LARP1B: variants seen among roughly 807,000 people sequenced by gnomAD.
LARP1B encodes the protein la-related protein 1B.
LARP1B carries 76 observed loss-of-function variants against 114.2 expected under a neutral mutation model. That is an observed-to-expected ratio of 0.67 (90% CI 0.55 to 0.81). The LOEUF is 0.81. Ranked by LOEUF, LARP1B falls within the 30% of genes least tolerant of loss-of-function variation. The pLI, the probability that LARP1B is intolerant of heterozygous loss-of-function variation, is 0.00. For synonymous variants in LARP1B, 345 were observed against 348.0 expected (o/e 0.99, Z 0.10); for missense variants, 1,014 against 1,075.8 (o/e 0.94, Z 0.80).
At chr4:128,069,204 A>T (rs1418021129) in intron 1 of LARP1B, 1 of 1,106,436 alleles carries the variant, frequency 9.0e-7, no homozygotes, top group Admixed American at 1.7e-5. Flanking sequence ...ATTTCTTCTG[A>T]TAGCTTTATG....
At chr4:128,148,780 C>T (rs937452357) in intron 11 of LARP1B, among the ~76,000 whole-genome samples, 7 of 152,092 alleles carry the variant, frequency 4.6e-5, no homozygotes, top group African/African-American at 1.2e-4. Context: ...GTGCTCACCA[C>T]AATGCCTGGC....
chr4:128,103,347 G>T (rs1028341449), intron 8 of LARP1B, among the ~76,000 whole-genome samples: 1 of 151,770 alleles, frequency 6.6e-6, no homozygotes, highest in Admixed American at 6.6e-5. Flanking sequence ...AACTCAAAAG[G>T]GTATATGGTT....
downstream of LARP1B, among the ~76,000 whole-genome samples, chr4:128,213,559 A>G (rs1478237172): frequency 2.0e-5 from 3 of 152,216 alleles, no homozygotes; most frequent in Non-Finnish European, 4.4e-5. Flanking sequence ...TCAAGCAAAT[A>G]AAAGCACTGC....
Position 128,165,183 on chromosome 4 carries a change from T to C in LARP1B, c.1648+2866T>C, listed in dbSNP as rs566628505. ...TGGGGGAAATCCCATCTGGAAGGTC[T>C]GCACATGTGTTTGCTAGCATCTGGA... On this transcript the variant is annotated intron_variant, in intron 12 of 19. Coordinates refer to ENST00000326639, the MANE Select transcript of LARP1B (RefSeq NM_018078.4). 7.1e-4 allele frequency among the ~76,000 whole-genome samples: 108 copies of C among 152,038 alleles called. 1 individual carries two copies. Among genetic ancestry groups the C allele is most frequent in the Middle Eastern group, 6.8e-3 (2 of 294 alleles).
At chr4:128,069,599 T>C in intron 1 of LARP1B, 1 of 696,582 alleles carries the variant, frequency 1.4e-6, no homozygotes, top group South Asian at 1.6e-5. Flanking sequence ...CTGGATTTAC[T>C]TGTATGCCCC....
intron 5 of LARP1B, among the ~76,000 whole-genome samples, chr4:128,090,074 CTTT>C (rs778984219): frequency 5.0e-5 from 6 of 119,184 alleles, no homozygotes; most frequent in East Asian, 2.5e-4. Flanking sequence ...CACCGGGCCT[CTTT>C]TTTTTTTTTT....
At chr4:128,109,417 A>C (rs1783216696) in intron 9 of LARP1B, among the ~76,000 whole-genome samples, 1 of 152,142 alleles carries the variant, frequency 6.6e-6, no homozygotes, top group Non-Finnish European at 1.5e-5. Context: ...AAGAGATTAA[A>C]ATTTCTATTT....
Position 128,114,586 on chromosome 4 carries a change from T to C in LARP1B, c.1005T>C (p.Ser335=), listed in dbSNP as rs1250900757. Residue 335 remains serine (S), a synonymous_variant, in exon 10 of 20, where the codon TCT becomes TCC. Coordinates refer to ENST00000326639, the MANE Select transcript of LARP1B (RefSeq NM_018078.4). ...AAATTTTAGAGTCTGCCCCAAATTC[T>C]CCAAGAATTGGAAGCCCATTGAGCC... is the stretch of plus-strand genomic sequence containing the variant. The part of the protein sequence containing the change: ...FCSHTESAPN[S]PRIGSPLSPK... 1 of 1,611,610 alleles carries C rather than the reference T, an allele frequency of 6.2e-7. No homozygotes were observed. Among genetic ancestry groups the C allele is most frequent in the African/African-American group, 1.3e-5 (1 of 74,814 alleles).
chr4:128,142,084 G>A (rs190293435), intron 11 of LARP1B, among the ~76,000 whole-genome samples: 1 of 152,166 alleles, frequency 6.6e-6, no homozygotes, highest in African/African-American at 2.4e-5. Flanking sequence ...TAAACTTCCT[G>A]TCTCCTCACC....
rs749229307 is a variant in LARP1B at position 128,176,871 on chromosome 4, G to A, written c.1649-1G>A. The A allele has an allele frequency of 8.7e-6, 14 of 1,613,832 alleles. No homozygotes were observed. Among genetic ancestry groups the A allele is most frequent in the Non-Finnish European group, 1.1e-5 (13 of 1,179,718 alleles). On this transcript the variant is annotated splice_acceptor_variant, in intron 12 of 19. Coordinates refer to ENST00000326639, the MANE Select transcript of LARP1B (RefSeq NM_018078.4). LOFTEE classifies it high-confidence loss of function. ...AAGGGACTAATTAACTCTCTTGGCA[G>A]GAGGTGTTCAAGGAGTGCTTCACAT...
intron 11 of LARP1B, among the ~76,000 whole-genome samples, chr4:128,143,796 G>GGTGTGTGTGTGTGTATGT (rs1729117183): frequency 6.8e-6 from 1 of 147,844 alleles, no homozygotes; most frequent in Non-Finnish European, 1.5e-5. Context: ...TAAGGCACAG[G>GGTGTGTGTGTGTGTATGT]GTGTGTGTGT....
intron 12 of LARP1B, among the ~76,000 whole-genome samples, chr4:128,164,517 A>G (rs1047554334): frequency 2.0e-5 from 3 of 152,210 alleles, no homozygotes; most frequent in Non-Finnish European, 4.4e-5. Flanking sequence ...GCAAACATGA[A>G]TAGAAAAAGT....
At chr4:128,212,944 G>C (rs1410921441), downstream of LARP1B, among the ~76,000 whole-genome samples, 7 of 120,180 alleles carry the variant, frequency 5.8e-5, no homozygotes, top group African/African-American at 2.2e-4. Context: ...TTGAGATGGA[G>C]CTTTGCTCTT....
intron 9 of LARP1B, 32 bp from the exon 10 acceptor site, chr4:128,114,538 A>AT: frequency 6.6e-7 from 1 of 1,509,010 alleles, no homozygotes. Context: ...AGCCATTATC[A>AT]TTTTAACTAT....
intron 14 of LARP1B, 117 bp downstream of exon 14, chr4:128,178,759 C>T (rs1747298162): frequency 2.3e-6 from 2 of 852,736 alleles, no homozygotes; most frequent in Non-Finnish European, 3.6e-6. Flanking sequence ...TAATATTTCA[C>T]TTAAAAATCA....
intron 11 of LARP1B, among the ~76,000 whole-genome samples, chr4:128,145,930 T>C (rs550826585): frequency 9.8e-5 from 15 of 152,304 alleles, no homozygotes; most frequent in African/African-American, 1.2e-4. Context: ...AATTAAAAAG[T>C]CTGACAATAT....
chr4:128,154,781 A>AT (rs1008448492), intron 11 of LARP1B, among the ~76,000 whole-genome samples: 1 of 151,954 alleles, frequency 6.6e-6, no homozygotes, highest in Non-Finnish European at 1.5e-5. Flanking sequence ...ACAAAATTTT[A>AT]TTTTTTTTGA....
At chr4:128,068,316 CTT>C (rs1293737063) in intron 1 of LARP1B, among the ~76,000 whole-genome samples, 15 of 138,324 alleles carry the variant, frequency 1.1e-4, no homozygotes, top group Non-Finnish European at 1.6e-4. Context: ...CCACACCCGG[CTT>C]TTTTTTTTTT....
chr4:128,160,559 ATTAG>A (rs1426125321), intron 11 of LARP1B, among the ~76,000 whole-genome samples: 1 of 152,070 alleles, frequency 6.6e-6, no homozygotes, highest in Non-Finnish European at 1.5e-5. Context: ...ACATTAATGA[ATTAG>A]TTAAAAATAA....
Sources: allele counts gnomAD v4.1 joint callset (sites outside exome capture counted in the v4.1 genomes callset), GRCh38; gene constraint gnomAD v4.1.1; transcripts MANE v1.5; gene names NCBI Gene and HGNC (gene_info 2026-07-23, HGNC 2026-07-21).